The following ADGRB2 variants were observed in gnomAD, a reference collection of about 807,000 sequenced individuals.
ADGRB2 encodes the protein adhesion G protein-coupled receptor B2.
Under a neutral mutation model 178.7 loss-of-function variants are expected in ADGRB2, and 47 were observed. The observed-to-expected ratio is 0.26, with a 90% CI of 0.21 to 0.34. The LOEUF (loss-of-function observed/expected upper bound fraction) is 0.34, where lower values mean the gene tolerates loss of function less well. ADGRB2 is among the 10% of genes least tolerant of loss of function. The pLI is 1.00. For missense variants in ADGRB2, 1,584 were observed against 2,180.8 expected, an observed-to-expected ratio of 0.73 and a Z score of 5.45; for synonymous variants, 870 against 912.4, an observed-to-expected ratio of 0.95 and a Z score of 0.84.
intron 4 of ADGRB2, among the ~76,000 whole-genome samples, chr1:31,746,677 C>T (rs1646289435): frequency 6.6e-6 from 1 of 152,180 alleles, no homozygotes; most frequent in South Asian, 2.1e-4. Flanking sequence ...ATGACCTCAA[C>T]ATCGGGAGCC....
rs1425966517 is a variant in ADGRB2 at position 31,735,942 on chromosome 1, C to T, written c.3201-49G>A. On this transcript the variant is annotated intron_variant, in intron 22 of 32. Coordinates refer to ENST00000373658, the MANE Select transcript of ADGRB2 (RefSeq NM_001364857.2). The surrounding 1 kb of genome is among the most constrained non-coding windows in gnomAD (Gnocchi z 6.0). Reference sequence around the variant, plus strand: ...GTCAGACACCCAGCAGCCTCCCTCCCCACCCTCAAACACCATCCCTCAGTC... The same window carrying T: ...GTCAGACACCCAGCAGCCTCCCTCCTCACCCTCAAACACCATCCCTCAGTC... 2.0e-6 allele frequency: 3 copies of T among 1,519,862 alleles called. No individual in the cohort carries two copies. Among genetic ancestry groups the T allele is most frequent in the Middle Eastern group, 1.8e-4 (1 of 5,440 alleles). The allele number at this position is 1,519,862 out of a possible 1,614,324, so 94.1% of individuals were successfully genotyped here.
chr1:31,760,702 C>G (rs988980839), intron 1 of ADGRB2: 4 of 151,022 alleles, frequency 2.6e-5, no homozygotes, highest in African/African-American at 9.8e-5. Flanking sequence ...CCCCGGCGCT[C>G]GCCGCCCGAC....
intron 19 of ADGRB2, 48 bp downstream of exon 19, chr1:31,737,604 G>A: frequency 6.2e-7 from 1 of 1,610,890 alleles, no homozygotes; most frequent in South Asian, 1.1e-5. Context: ...GCCACCTTCT[G>A]CGCCTGCCCC....
Position 31,741,842 on chromosome 1 carries a change from T to C in ADGRB2, c.1543A>G (p.Thr515Ala), listed in dbSNP as rs1485585220. Reference sequence around the variant, plus strand: ...CTACAAGGCTTCACCTCCTCTCCGGTGCCCTCGCAGGGGTAGCCCTGCGTG... The same window carrying C: ...CTACAAGGCTTCACCTCCTCTCCGGCGCCCTCGCAGGGGTAGCCCTGCGTG... ...TGTQGYPCEGTGEEVKPCSEK... is the reference protein window; with the variant it reads ...TGTQGYPCEGAGEEVKPCSEK... The change falls in exon 9 of 33, where the codon ACC becomes GCC. Residue 515 changes from threonine (T) to alanine (A), a missense_variant. This residue lies in a region of ADGRB2 where 657 missense variants were observed against 847.6 expected (regional missense o/e 0.78). Coordinates refer to ENST00000373658, the MANE Select transcript of ADGRB2 (RefSeq NM_001364857.2). This position sits in a 1 kb window ranked among gnomAD's most constrained non-coding sequence, Gnocchi z 6.5. The C allele has an allele frequency of 6.2e-7, 1 of 1,604,628 alleles. No individual in the cohort carries two copies. Among genetic ancestry groups the C allele is most frequent in the Non-Finnish European group, 8.5e-7 (1 of 1,173,944 alleles).
chr1:31,730,959 C>T lies in ADGRB2; in HGVS notation c.4221G>A (p.Gly1407=). The T allele has an allele frequency of 7.0e-6, 11 of 1,567,226 alleles. No individual in the cohort carries two copies. Among genetic ancestry groups the T allele is most frequent in the Non-Finnish European group, 9.5e-6 (11 of 1,153,886 alleles). The change falls in exon 29 of 33, where the codon GGG becomes GGA. Residue 1407 remains glycine, a synonymous_variant. Transcript: ENST00000373658. ...GGAGAGATCCATAGGCAGGGCCCAGCCCCAGGCCCGAGTGGTCCACGGACA... is the reference window on the plus strand; with the variant it reads ...GGAGAGATCCATAGGCAGGGCCCAGTCCCAGGCCCGAGTGGTCCACGGACA... ...SFLSVDHSGL[G]LGPAYGSLQN...
Position 31,731,052 on chromosome 1 carries a change from G to A in ADGRB2, c.4128C>T (p.Ala1376=). The A allele has an allele frequency of 1.3e-6, 2 of 1,582,866 alleles. No homozygotes were observed. Among genetic ancestry groups the A allele is most frequent in the Non-Finnish European group, 1.7e-6 (2 of 1,163,702 alleles). ...GGGGGEDAPR[A]RPEGTPRRAA... ...CTCGCCGGGGGGTCCCCTCCGGCCGGGCCCTGGGGGCATCCTCACCACCTC... is the reference window on the plus strand; with the variant it reads ...CTCGCCGGGGGGTCCCCTCCGGCCGAGCCCTGGGGGCATCCTCACCACCTC... Residue 1376 remains alanine, a synonymous_variant, in exon 29 of 33, where the codon GCC becomes GCT. Transcript: ENST00000373658.
chr1:31,739,337 G>A lies in ADGRB2; in HGVS notation c.2466C>T (p.Arg822=). The A allele has an allele frequency of 1.4e-6, 2 of 1,461,014 alleles. No homozygotes were observed. The allele number at this position is 1,461,014 out of a possible 1,614,324, so 90.5% of individuals were successfully genotyped here. A position where few individuals can be genotyped will look rare whatever the true frequency, so the allele number is the denominator to read the frequency against. Residue 822 remains arginine (R), a synonymous_variant, in exon 15 of 33, where the codon CGC becomes CGT. Coordinates refer to ENST00000373658, the MANE Select transcript of ADGRB2 (RefSeq NM_001364857.2). The part of the protein sequence containing the change: ...SYFVIGAVLY[R]TLGLILPPPR... ...GAGGCGGCAGGATGAGGCCAAGGGT[G>A]CGGTAGAGTACAGCACCGATCACAA...
intron 29 of ADGRB2, 46 bp downstream of exon 29, chr1:31,730,754 A>T: frequency 7.1e-7 from 1 of 1,414,724 alleles, no homozygotes; most frequent in Non-Finnish European, 9.2e-7. Flanking sequence ...GCAGCCTGTG[A>T]TTGACACAGT....
In ADGRB2 at chr1:31,739,453, C is replaced by A; in HGVS notation, c.2350G>T (p.Gly784Cys). The change falls in exon 15 of 33, where the codon GGC (glycine) becomes TGC (cysteine). Residue 784 changes from glycine to cysteine, a missense_variant. This residue lies in a region of ADGRB2 where 865 missense variants were observed against 1,192.8 expected (regional missense o/e 0.73). Transcript: ENST00000373658. ...ACCGTTCCTGGGCCCCTCCCCCTGCCAGGGCTGCCTGCTGCCCCAGATGTG... is the reference window on the plus strand; with the variant it reads ...ACCGTTCCTGGGCCCCTCCCCCTGCAAGGGCTGCCTGCTGCCCCAGATGTG... ...PATSGAAGSP[G>C]RGRGPGTVPP... is the part of the protein sequence containing the mutation. 1 of 1,603,844 alleles carries A rather than the reference C, an allele frequency of 6.2e-7. No homozygotes were observed. Among genetic ancestry groups the A allele is most frequent in the Non-Finnish European group, 8.5e-7 (1 of 1,175,476 alleles).
chr1:31,764,058 A>C lies in ADGRB2; in HGVS notation c.-365T>G. ...GGCGGGTGCAGAAAAGGCGCCGCGG[A>C]GCAGCGCGGGGCGGGCGGGCGGGCG... On this transcript the variant is annotated 5_prime_UTR_variant, in exon 1 of 33. Transcript: ENST00000373658. The surrounding 1 kb of genome is among the most constrained non-coding windows in gnomAD (Gnocchi z 7.3). The C allele has an allele frequency of 7.3e-6, 1 of 137,604 alleles. No homozygotes were observed. The allele number at this position is 137,604 out of a possible 1,614,324, so 8.5% of individuals were successfully genotyped here. A position where few individuals can be genotyped will look rare whatever the true frequency, so the allele number is the denominator to read the frequency against.
chr1:31,750,952 C>T lies in ADGRB2; in HGVS notation c.838+5047G>A, dbSNP rs151053828. Among the ~76,000 whole-genome samples, 3 of 152,238 alleles carry T rather than the reference C, an allele frequency of 2.0e-5. No individual in the cohort carries two copies. The East Asian group carries it at 5.8e-4, about 29-fold the overall frequency. On this transcript the variant is annotated intron_variant, in intron 4 of 32. Coordinates refer to ENST00000373658, the MANE Select transcript of ADGRB2 (RefSeq NM_001364857.2). ...GCCTCCCACCACAGAGAGCTGGGTC[C>T]CTGCCACCTCCCCCATGTGGCCAGA...
rs183679839 is a variant in ADGRB2, at chr1:31,763,550, T to C, written c.-191+334A>G. Among the ~76,000 whole-genome samples the C allele has an allele frequency of 1.1e-4, 15 of 136,614 alleles. No individual in the cohort carries two copies. In the East Asian group the frequency reaches 2.9e-3, roughly 27 times the overall value. The allele number at this position is 136,614 out of a possible 152,430, so 89.6% of individuals were successfully genotyped here. Reference sequence around the variant, plus strand: ...CACACTGCCCGGATCCAGGCCGAGATAGGGAAAGACTCGAGACAGCAAGCA... The same window carrying C: ...CACACTGCCCGGATCCAGGCCGAGACAGGGAAAGACTCGAGACAGCAAGCA... On this transcript the variant is annotated intron_variant, in intron 1 of 32. Transcript: ENST00000373658.
chr1:31,745,794 C>T (rs1002306721), intron 4 of ADGRB2, among the ~76,000 whole-genome samples: 1 of 152,222 alleles, frequency 6.6e-6, no homozygotes, highest in Admixed American at 6.5e-5. Context: ...ACCAGGGCTG[C>T]CTCTTCCTGC....
At chr1:31,731,469 T>A in intron 28 of ADGRB2, 50 bp from the exon 29 acceptor site, 2 of 1,521,796 alleles carry the variant, frequency 1.3e-6, no homozygotes, top group Non-Finnish European at 1.8e-6. Flanking sequence ...AGAAGGAACC[T>A]CCAGATGCCA....
Position 31,738,310 on chromosome 1 carries a change from C to T in ADGRB2, c.2662G>A (p.Asp888Asn), listed in dbSNP as rs767547303. ...DYSRADASSG[D>N]WDTENCQTLE... ...GTCTGGCAATTTTCAGTGTCCCAGT[C>T]TCCTGAGCTGGCATCTCTTGGGTAG... Residue 888 changes from aspartate (D) to asparagine (N), a missense_variant, in exon 18 of 33, where the codon GAC (aspartate) becomes AAC (asparagine). Asp to Asn is a conservative substitution (Grantham distance 23). Transcript: ENST00000373658. The T allele has an allele frequency of 3.1e-6, 5 of 1,613,398 alleles. No homozygotes were observed. The highest frequency in any genetic ancestry group is 4.2e-6 in the Non-Finnish European group (5 of 1,180,000).
At chr1:31,745,453 T>A (rs1235831523) in intron 4 of ADGRB2, among the ~76,000 whole-genome samples, 1 of 152,188 alleles carries the variant, frequency 6.6e-6, no homozygotes, top group African/African-American at 2.4e-5. Flanking sequence ...CACCAGGCTC[T>A]CAGCTGCCCT....
At chr1:31,751,260 G>C (rs185092943) in intron 4 of ADGRB2, among the ~76,000 whole-genome samples, 1 of 152,192 alleles carries the variant, frequency 6.6e-6, no homozygotes, top group Non-Finnish European at 1.5e-5. Context: ...AGCATGGGGC[G>C]GAAGATGACT....
Position 31,728,119 on chromosome 1 carries a change from G to A in ADGRB2, c.4516-38C>T. 6.2e-7 allele frequency: 1 copy of A among 1,612,930 alleles called. No individual in the cohort carries two copies. ...CCACCGGTCAGGCTCCAACCCCAGG[G>A]GCCACTGCACCAGGTCAGGCCCTGA... On this transcript the variant is annotated intron_variant, in intron 31 of 32. Coordinates refer to ENST00000373658, the MANE Select transcript of ADGRB2 (RefSeq NM_001364857.2). The surrounding 1 kb of genome is among the most constrained non-coding windows in gnomAD (Gnocchi z 6.7).
rs898083167 is a variant in ADGRB2, at chr1:31,744,990, G to C, written c.839-259C>G. On this transcript the variant is annotated intron_variant, in intron 4 of 32. Transcript: ENST00000373658. The surrounding 1 kb of genome is among the most constrained non-coding windows in gnomAD (Gnocchi z 6.7). ...ACCTCTTGCCTCAGCCAGATGTGGG[G>C]GAGATTTAAGGGGCATGGCTGCCCA... Among the ~76,000 whole-genome samples the C allele has an allele frequency of 1.3e-5, 2 of 152,234 alleles. No individual in the cohort carries two copies. The highest frequency in any genetic ancestry group is 2.9e-5 in the Non-Finnish European group (2 of 68,044).
Sources: allele counts gnomAD v4.1 joint callset (sites outside exome capture counted in the v4.1 genomes callset), GRCh38; gene constraint gnomAD v4.1.1; regional missense constraint gnomAD v4.1.1; non-coding constraint Gnocchi (gnomAD v3.1); transcripts MANE v1.5; gene names NCBI Gene and HGNC (gene_info 2026-07-23, HGNC 2026-07-21).